Variants in KIAA1217 observed in about 807,000 individuals in gnomAD.
KIAA1217 encodes sickle tail protein homolog.
A neutral mutation model predicts 163.9 loss-of-function variants in KIAA1217; 88 were observed. That is an observed-to-expected ratio of 0.54 (90% CI 0.45 to 0.64). KIAA1217 has a LOEUF of 0.64. Ranked by LOEUF, KIAA1217 falls within the 30% of genes least tolerant of loss-of-function variation. The pLI is 0.00. For missense variants in KIAA1217, 2,372 were observed against 2,475.0 expected (o/e 0.96, Z 0.88); for synonymous variants, 903 against 923.1 (o/e 0.98, Z 0.39).
At chr10:24,304,838 T>G (rs978307662) in intron 2 of KIAA1217, among the ~76,000 whole-genome samples, 2 of 152,150 alleles carry the variant, frequency 1.3e-5, no homozygotes, top group Non-Finnish European at 2.9e-5. Context: ...GGTGGCTGCA[T>G]AGGACCTGGG....
At chr10:24,113,344 G>A (rs947786578) in intron 2 of KIAA1217, among the ~76,000 whole-genome samples, 1 of 152,070 alleles carries the variant, frequency 6.6e-6, no homozygotes, top group Non-Finnish European at 1.5e-5. Context: ...AACAGCTCAG[G>A]CTCTTTACTT....
intron 2 of KIAA1217, among the ~76,000 whole-genome samples, chr10:24,323,788 CGTGTGTGTGTGTGTGTGTGT>C (rs60528535): frequency 1.4e-5 from 2 of 144,184 alleles, no homozygotes; most frequent in African/African-American, 2.6e-5. Context: ...GTTTTCTCTT[CGTGTGTGTGTGTGTGTGTGT>C]GTGTGTGTGT....
intron 1 of KIAA1217, among the ~76,000 whole-genome samples, chr10:23,880,206 A>G (rs966724554): frequency 3.3e-5 from 5 of 151,990 alleles, no homozygotes; most frequent in African/African-American, 7.2e-5. Context: ...CTATGTGTCC[A>G]TCAACAGGGG....
intron 10 of KIAA1217, among the ~76,000 whole-genome samples, chr10:24,514,703 A>T (rs1032909129): frequency 6.6e-6 from 1 of 152,106 alleles, no homozygotes; most frequent in Non-Finnish European, 1.5e-5. Context: ...TAAAATGCAT[A>T]TCCTGGCTGG....
rs766569999 is a variant in KIAA1217, at chr10:24,473,341, C to T, written c.960C>T (p.Pro320=). 4.4e-6 allele frequency: 7 copies of T among 1,595,772 alleles called. No homozygotes were observed. The African/African-American group carries it at 5.4e-5, about 12-fold the overall frequency. ...ATTCCCCACCGTCTACTCCAGTGCC[C>T]CATTCCATGCCCCCCTCCCCGTCCA... The part of the protein sequence containing the change: ...IPNSPPSTPV[P]HSMPPSPSRI... The change falls in exon 6 of 21, where the codon CCC becomes CCT. Residue 320 remains proline, a synonymous_variant. Transcript: ENST00000376454.
At chr10:24,309,344 GCGCGCGCACA>G (rs1340281053) in intron 2 of KIAA1217, among the ~76,000 whole-genome samples, 2 of 66,732 alleles carry the variant, frequency 3.0e-5, no homozygotes, top group South Asian at 7.1e-4. Context: ...GCGCGCACGC[GCGCGCGCACA>G]CACACACACA....
intron 2 of KIAA1217, among the ~76,000 whole-genome samples, chr10:24,102,475 G>C (rs113981712): frequency 0.035 from 5,372 of 152,242 alleles, 285 homozygotes; most frequent in African/African-American, 0.12. Flanking sequence ...CCAACTTGAT[G>C]TATAGATTCA....
intron 1 of KIAA1217, among the ~76,000 whole-genome samples, chr10:23,915,525 A>C (rs1355454695): frequency 6.6e-6 from 1 of 152,204 alleles, no homozygotes; most frequent in African/African-American, 2.4e-5. Context: ...GTATTCTACC[A>C]ACATTGTTTC....
chr10:24,177,334 T>A (rs1277332255), intron 2 of KIAA1217, among the ~76,000 whole-genome samples: 1 of 132,678 alleles, frequency 7.5e-6, no homozygotes, highest in Non-Finnish European at 1.6e-5. Flanking sequence ...CATATATCTT[T>A]GTATCTTATA....
chr10:23,810,647 T>A (rs1433828542), intron 1 of KIAA1217, among the ~76,000 whole-genome samples: 8 of 128,874 alleles, frequency 6.2e-5, no homozygotes, highest in African/African-American at 2.4e-4. Context: ...AAATATATAG[T>A]GTGTATATAT....
chr10:24,520,651 A>AAATAT (rs1554926857), intron 11 of KIAA1217, among the ~76,000 whole-genome samples: 46 of 39,654 alleles, frequency 1.2e-3, no homozygotes, highest in Non-Finnish European at 1.9e-3. Flanking sequence ...AAAAAAAAAA[A>AAATAT]ATATATATAT....
chr10:24,148,032 C>G (rs184552878), intron 2 of KIAA1217, among the ~76,000 whole-genome samples: 1 of 152,096 alleles, frequency 6.6e-6, no homozygotes, highest in African/African-American at 2.4e-5. Flanking sequence ...TAAGTATGGT[C>G]ACTTTTGAGC....
intron 1 of KIAA1217, among the ~76,000 whole-genome samples, chr10:23,884,475 G>C (rs1212986444): frequency 6.6e-6 from 1 of 151,968 alleles, no homozygotes; most frequent in Non-Finnish European, 1.5e-5. Context: ...TATACTGTCA[G>C]TCTAACGATT....
At chr10:24,050,985 C>G (rs754787086) in intron 2 of KIAA1217, among the ~76,000 whole-genome samples, 2 of 152,140 alleles carry the variant, frequency 1.3e-5, no homozygotes, top group East Asian at 3.9e-4. Context: ...TGGAAAAGTT[C>G]TTTAGTGGTG....
At chr10:24,108,856 A>G (rs1203386164) in intron 2 of KIAA1217, among the ~76,000 whole-genome samples, 1 of 152,152 alleles carries the variant, frequency 6.6e-6, no homozygotes, top group East Asian at 1.9e-4. Context: ...TTTCGAGACT[A>G]TGTTTCACTC....
intron 3 of KIAA1217, among the ~76,000 whole-genome samples, chr10:24,400,551 G>A (rs1238543854): frequency 1.3e-5 from 2 of 152,174 alleles, no homozygotes; most frequent in Non-Finnish European, 2.9e-5. Context: ...AGAAGCCACA[G>A]ATCCATGCTT....
rs556925875 is a variant in KIAA1217, at chr10:24,420,260, A to G, written c.554-12735A>G. On this transcript the variant is annotated intron_variant, in intron 3 of 20. Coordinates refer to ENST00000376454, the MANE Select transcript of KIAA1217 (RefSeq NM_019590.5). ...CTCTATGTGACGAGAATAAAATAGG[A>G]TGTGACATTTTTCATTTTTATGTCC... Among the ~76,000 whole-genome samples the G allele has an allele frequency of 2.0e-5, 3 of 152,328 alleles. No homozygotes were observed. In the East Asian group the frequency reaches 5.8e-4, roughly 29 times the overall value.
intron 2 of KIAA1217, among the ~76,000 whole-genome samples, chr10:24,269,801 G>A (rs187731708): frequency 6.6e-6 from 1 of 152,168 alleles, no homozygotes; most frequent in East Asian, 1.9e-4. Context: ...TTATCAAGGG[G>A]CATTTTTAGG....
intron 2 of KIAA1217, among the ~76,000 whole-genome samples, chr10:24,243,027 G>C (rs771018321): frequency 1.3e-5 from 2 of 152,066 alleles, no homozygotes. Context: ...CCATTCTGTA[G>C]GTTGTTTGCT....
Sources: allele counts gnomAD v4.1 joint callset (sites outside exome capture counted in the v4.1 genomes callset), GRCh38; gene constraint gnomAD v4.1.1; transcripts MANE v1.5; gene names NCBI Gene and HGNC (gene_info 2026-07-23, HGNC 2026-07-21).